The following SEMA6D variants were observed in gnomAD, a reference collection of about 807,000 sequenced individuals.
SEMA6D encodes the protein semaphorin-6D.
SEMA6D carries 35 observed loss-of-function variants against 106.6 expected under a neutral mutation model. The ratio of observed to expected loss-of-function variants is 0.33; its 90% CI spans 0.25 to 0.44. The LOEUF (loss-of-function observed/expected upper bound fraction) is 0.44, where lower values mean the gene tolerates loss of function less well. Ranked by LOEUF, SEMA6D falls within the 20% of genes least tolerant of loss-of-function variation. The pLI is 1.00. For synonymous variants in SEMA6D, 499 were observed against 487.7 expected (o/e 1.02, Z -0.31); for missense variants, 1,185 against 1,345.9 (o/e 0.88, Z 1.87).
chr15:47,452,016 T>C (rs534292826), intron 2 of SEMA6D, among the ~76,000 whole-genome samples: 15 of 152,024 alleles, frequency 9.9e-5, no homozygotes, highest in Admixed American at 2.6e-4. Context: ...AGGCCATTGG[T>C]ACTTAGTGTT....
chr15:47,728,389 T>G (rs1052870211), intron 1 of SEMA6D, among the ~76,000 whole-genome samples: 6 of 152,250 alleles, frequency 3.9e-5, no homozygotes, highest in Non-Finnish European at 5.9e-5. Flanking sequence ...CAGCCATATA[T>G]AAATTCATAC....
chr15:47,330,863 TA>T (rs1348918103), intron 1 of SEMA6D, among the ~76,000 whole-genome samples: 2 of 152,130 alleles, frequency 1.3e-5, no homozygotes, highest in African/African-American at 4.8e-5. Flanking sequence ...TCGCTGCTTA[TA>T]GGACATGAGG....
At chr15:47,392,267 C>T (rs4359384) in intron 1 of SEMA6D, among the ~76,000 whole-genome samples, 20,199 of 151,850 alleles carry the variant, frequency 0.13, 1,550 homozygotes, top group East Asian at 0.27. Context: ...AGAATAATGG[C>T]CTCCCCCCGC....
In SEMA6D at chr15:47,765,972, C is replaced by A. The variant is rs1457357582; in HGVS notation, c.1531C>A (p.Pro511Thr). The A allele has an allele frequency of 1.3e-6, 2 of 1,594,212 alleles. No homozygotes were observed. Among genetic ancestry groups the A allele is most frequent in the Non-Finnish European group, 1.7e-6 (2 of 1,169,934 alleles). The change falls in exon 14 of 19, where the codon CCC (proline) becomes ACC (threonine). Residue 511 changes from proline (P) to threonine (T), a missense_variant. By Grantham distance (38) the Pro-to-Thr change is conservative (BLOSUM62 -1). Transcript: ENST00000536845. ...VAFSSCIIRI[P>T]LSRCERYGSC... is the part of the protein sequence containing the mutation. Reference sequence around the variant, plus strand: ...GTTCTCTAGCTGCATTATCCGCATCCCCCTCAGTCGCTGTGAGCGTTATGG... The same window carrying A: ...GTTCTCTAGCTGCATTATCCGCATCACCCTCAGTCGCTGTGAGCGTTATGG...
chr15:47,458,466 A>G (rs2042407938), intron 2 of SEMA6D, among the ~76,000 whole-genome samples: 1 of 152,018 alleles, frequency 6.6e-6, no homozygotes, highest in African/African-American at 2.4e-5. Flanking sequence ...TGACCATAAA[A>G]GAAGTCTTAT....
chr15:47,431,697 ACC>A, intron 2 of SEMA6D, among the ~76,000 whole-genome samples: 1 of 152,208 alleles, frequency 6.6e-6, no homozygotes, highest in South Asian at 2.1e-4. Context: ...TTCCAAGGCC[ACC>A]CACAAAAATG....
intron 3 of SEMA6D, among the ~76,000 whole-genome samples, chr15:47,591,864 A>T (rs1318747725): frequency 6.6e-6 from 1 of 152,196 alleles, no homozygotes; most frequent in Non-Finnish European, 1.5e-5. Flanking sequence ...ACTGGTAAGA[A>T]AGAAGTGTGG....
chr15:47,210,638 G>A (rs2029897348), intron 1 of SEMA6D, among the ~76,000 whole-genome samples: 1 of 151,896 alleles, frequency 6.6e-6, no homozygotes, highest in Non-Finnish European at 1.5e-5. Flanking sequence ...GGTGGCACAT[G>A]CCTATAGTCC....
chr15:47,609,780 A>G (rs190772171), intron 4 of SEMA6D, among the ~76,000 whole-genome samples: 1 of 152,290 alleles, frequency 6.6e-6, no homozygotes, highest in Admixed American at 6.5e-5. Context: ...AGGCACTCCC[A>G]GGTGATACCG....
chr15:47,498,967 A>T (rs976372764), intron 3 of SEMA6D, among the ~76,000 whole-genome samples: 3 of 152,188 alleles, frequency 2.0e-5, no homozygotes, highest in African/African-American at 7.2e-5. Context: ...TTATTGAATG[A>T]TGGTTATTCT....
chr15:47,626,665 T>C (rs1231977684), intron 4 of SEMA6D, among the ~76,000 whole-genome samples: 2 of 152,200 alleles, frequency 1.3e-5, no homozygotes, highest in African/African-American at 4.8e-5. Flanking sequence ...TTTATGTTTT[T>C]CTGTTGCCCT....
intron 1 of SEMA6D, among the ~76,000 whole-genome samples, chr15:47,242,060 C>T (rs986427645): frequency 1.3e-5 from 2 of 151,942 alleles, no homozygotes; most frequent in Non-Finnish European, 2.9e-5. Context: ...ATAAGTCACT[C>T]GATCACTCTG....
At chr15:47,304,408 T>G (rs1555419511) in intron 1 of SEMA6D, among the ~76,000 whole-genome samples, 1 of 127,650 alleles carries the variant, frequency 7.8e-6, no homozygotes. Context: ...ATCATGCCAC[T>G]GCACTCCAGC....
chr15:47,754,124 G>T (rs1163699426), intron 1 of SEMA6D, among the ~76,000 whole-genome samples: 1 of 152,148 alleles, frequency 6.6e-6, no homozygotes, highest in Non-Finnish European at 1.5e-5. Flanking sequence ...AGATATGATG[G>T]CTCATGGCTG....
chr15:47,655,918 G>A (rs923829755), intron 4 of SEMA6D, among the ~76,000 whole-genome samples: 4 of 152,226 alleles, frequency 2.6e-5, no homozygotes, highest in South Asian at 2.1e-4. Context: ...GTTGCCTCAC[G>A]CATTCATTAC....
At chr15:47,235,907 A>G (rs2032509715) in intron 1 of SEMA6D, among the ~76,000 whole-genome samples, 1 of 152,112 alleles carries the variant, frequency 6.6e-6, no homozygotes, top group South Asian at 2.1e-4. Context: ...AATCATTACT[A>G]CATAAGAATT....
chr15:47,186,566 C>T (rs991971658), intron 1 of SEMA6D, among the ~76,000 whole-genome samples: 1 of 150,318 alleles, frequency 6.7e-6, no homozygotes, highest in Non-Finnish European at 1.5e-5. Flanking sequence ...ATATTTTCAA[C>T]TCTATTATTT....
chr15:47,318,286 C>CT (rs1300849138), intron 1 of SEMA6D, among the ~76,000 whole-genome samples: 6 of 145,714 alleles, frequency 4.1e-5, no homozygotes, highest in African/African-American at 1.5e-4. Context: ...TATTATTATA[C>CT]TTTAAGTTTT....
At chr15:47,514,526 G>A (rs915209984) in intron 3 of SEMA6D, among the ~76,000 whole-genome samples, 4 of 152,004 alleles carry the variant, frequency 2.6e-5, no homozygotes, top group Non-Finnish European at 2.9e-5. Context: ...TTTTTTCAGC[G>A]GCTTTAGTCA....
Sources: gnomAD v4.1 joint callset for allele counts (sites outside exome capture counted in the v4.1 genomes callset) on GRCh38, gnomAD v4.1.1 for gene constraint, MANE v1.5 for transcripts, NCBI Gene and HGNC (gene_info 2026-07-23, HGNC 2026-07-21) for gene names.